Variants in TRPM6 observed in about 807,000 individuals in gnomAD.
The protein encoded by TRPM6 is channel kinase 2.
A neutral mutation model predicts 247.6 loss-of-function variants in TRPM6; 111 were observed. That is an observed-to-expected ratio of 0.45 (90% CI 0.38 to 0.52). TRPM6 has a LOEUF of 0.52. Among genes scored for constraint, TRPM6 ranks in the 20% least tolerant of loss-of-function variants. The pLI, the probability that TRPM6 is intolerant of heterozygous loss-of-function variation, is 0.00. For missense variants in TRPM6, 2,126 were observed against 2,421.5 expected (o/e 0.88, Z 2.56); for synonymous variants, 892 against 853.8 (o/e 1.04, Z -0.78).
chr9:74,866,634 A>G (rs1483747403), intron 1 of TRPM6, among the ~76,000 whole-genome samples: 1 of 152,034 alleles, frequency 6.6e-6, no homozygotes, highest in African/African-American at 2.4e-5. Context: ...GGCATGCCCC[A>G]CCACACCCGG....
rs1825564031 is a variant in TRPM6, at chr9:74,732,718, G to T, written c.5795C>A (p.Thr1932Lys). The T allele has an allele frequency of 6.2e-7, 1 of 1,609,058 alleles. No individual in the cohort carries two copies. The highest frequency in any genetic ancestry group is 8.5e-7 in the Non-Finnish European group (1 of 1,177,580). The stretch of plus-strand genomic sequence containing the variant: ...TTCAGGTTTTATAACAGATGGATCT[G>T]TCAAATTTTCTCCAACACCTCAAAA... ...LDLQGVGENL[T>K]DPSVIKPEVK... is the part of the protein sequence containing the mutation. The change falls in exon 37 of 39, where the codon ACA (threonine) becomes AAA (lysine). Residue 1932 changes from threonine to lysine, a missense_variant. This residue lies in a region of TRPM6 where 327 missense variants were observed against 397.7 expected (regional missense o/e 0.82). Coordinates refer to ENST00000360774, the MANE Select transcript of TRPM6 (RefSeq NM_017662.5).
intron 38 of TRPM6, 53 bp downstream of exon 38, chr9:74,728,186 A>T (rs1437088461): frequency 4.8e-6 from 6 of 1,256,506 alleles, no homozygotes; most frequent in African/African-American, 1.5e-5. Context: ...GTTACAAAGG[A>T]TGTTGTTCTA....
At chr9:74,729,972 T>C (rs2118688433) in intron 37 of TRPM6, among the ~76,000 whole-genome samples, 1 of 152,186 alleles carries the variant, frequency 6.6e-6, no homozygotes, top group Admixed American at 6.5e-5. Context: ...GACAAAAGAA[T>C]CAAAATTAAT....
chr9:74,792,845 A>T (rs1276692387), intron 18 of TRPM6, 75 bp from the exon 19 acceptor site: 2 of 1,356,406 alleles, frequency 1.5e-6, no homozygotes, highest in Non-Finnish European at 2.1e-6. Context: ...CATCCAAAAA[A>T]TATCATAAAT....
chr9:74,756,943 A>G (rs1826447606), intron 27 of TRPM6, among the ~76,000 whole-genome samples: 1 of 152,086 alleles, frequency 6.6e-6, no homozygotes, highest in African/African-American at 2.4e-5. Flanking sequence ...CACATCTGTA[A>G]TCTCAGTACT....
intron 1 of TRPM6, among the ~76,000 whole-genome samples, chr9:74,879,314 A>T (rs1304511055): frequency 3.3e-5 from 5 of 150,046 alleles, no homozygotes; most frequent in Non-Finnish European, 7.4e-5. Flanking sequence ...TATATGATTT[A>T]TATATATATG....
intron 9 of TRPM6, 130 bp from the exon 10 acceptor site, chr9:74,817,094 A>G: frequency 1.1e-6 from 1 of 914,440 alleles, no homozygotes. Flanking sequence ...ACCTTTTTTT[A>G]CTTACAGGAG....
Position 74,792,686 on chromosome 9 carries a change from G to A in TRPM6, c.2476C>T (p.Pro826Ser). ...FGLESGHQHLPWTRKVYEFYS... is the reference protein window; with the variant it reads ...FGLESGHQHLSWTRKVYEFYS... ...AACTCATAGACTTTCCTGGTCCACG[G>A]AAGGTGTTGGTGCCCACTTTCCAAA... The change falls in exon 19 of 39, where the codon CCG becomes TCG. Residue 826 changes from proline (P) to serine (S), a missense_variant. Pro to Ser is a moderately conservative substitution (Grantham distance 74). This residue lies in a region of TRPM6 where 1,082 missense variants were observed against 1,307.9 expected (regional missense o/e 0.83). Coordinates refer to ENST00000360774, the MANE Select transcript of TRPM6 (RefSeq NM_017662.5). 6.2e-7 allele frequency: 1 copy of A among 1,614,124 alleles called. No individual in the cohort carries two copies. Among genetic ancestry groups the A allele is most frequent in the Non-Finnish European group, 8.5e-7 (1 of 1,179,994 alleles).
chr9:74,842,343 C>G lies in TRPM6; in HGVS notation c.153G>C (p.Arg51Ser). ...PVCQVCQNLI[R>S]CYCGRLIGDH... ...CTCCAATCAGTCGGCCACAGTAACA[C>G]CTTAAATTCAAGACCAAAAAAAAAC... The change falls in exon 4 of 39, where the codon AGG becomes AGC. Residue 51 changes from arginine to serine, a missense_variant and splice_region_variant. Physicochemically the swap from Arg to Ser is moderately radical, Grantham distance 110. Coordinates refer to ENST00000360774, the MANE Select transcript of TRPM6 (RefSeq NM_017662.5). The G allele has an allele frequency of 1.9e-6, 3 of 1,613,992 alleles. No individual in the cohort carries two copies. Among genetic ancestry groups the G allele is most frequent in the Non-Finnish European group, 2.5e-6 (3 of 1,179,974 alleles).
chr9:74,767,734 T>C (rs1309814565), intron 25 of TRPM6, among the ~76,000 whole-genome samples: 1 of 152,144 alleles, frequency 6.6e-6, no homozygotes, highest in African/African-American at 2.4e-5. Flanking sequence ...TTTGGGAGAC[T>C]GAGGCAGAAG....
chr9:74,858,626 G>C (rs1326870574), intron 2 of TRPM6, 43 bp downstream of exon 2: 1 of 1,259,228 alleles, frequency 7.9e-7, no homozygotes, highest in Non-Finnish European at 1.2e-6. Context: ...TAGTCCATCA[G>C]GTAGTGTTGC....
intron 23 of TRPM6, among the ~76,000 whole-genome samples, chr9:74,778,189 A>C (rs1433839813): frequency 3.3e-5 from 5 of 152,140 alleles, no homozygotes; most frequent in Non-Finnish European, 7.4e-5. Context: ...GGGCACCCCC[A>C]CCAGGGGCTT....
chr9:74,858,658 GA>G lies in TRPM6; in HGVS notation c.113+10del. Reference sequence around the variant, plus strand: ...TTGCTTTTAAAAGAAGAAGGTAATTGAAAATTTTACCTGTGAGGATTTTTTG... The same window carrying G: ...TTGCTTTTAAAAGAAGAAGGTAATTGAAATTTTACCTGTGAGGATTTTTTG... On this transcript the variant is annotated intron_variant, in intron 2 of 38. Coordinates refer to ENST00000360774, the MANE Select transcript of TRPM6 (RefSeq NM_017662.5). The G allele has an allele frequency of 6.2e-7, 1 of 1,600,134 alleles. No homozygotes were observed. Among genetic ancestry groups the G allele is most frequent in the Non-Finnish European group, 8.6e-7 (1 of 1,168,610 alleles).
chr9:74,737,314 C>G, intron 36 of TRPM6: 4 of 1,216,952 alleles, frequency 3.3e-6, no homozygotes, highest in Non-Finnish European at 4.3e-6. Context: ...CATCCTTGAG[C>G]ATGTGACACA....
chr9:74,850,843 G>T (rs1344416543), intron 3 of TRPM6, among the ~76,000 whole-genome samples: 1 of 152,158 alleles, frequency 6.6e-6, no homozygotes, highest in Non-Finnish European at 1.5e-5. Context: ...ACATAATCAG[G>T]ATCTACTAGT....
intron 6 of TRPM6, among the ~76,000 whole-genome samples, chr9:74,829,059 G>A (rs944254947): frequency 2.0e-5 from 3 of 152,112 alleles, no homozygotes; most frequent in South Asian, 2.1e-4. Context: ...TTAGGAGGCC[G>A]AAGCTAGCGG....
At chr9:74,784,617 ATGAATCTCGTCCT>A (rs1220193355) in intron 21 of TRPM6, among the ~76,000 whole-genome samples, 1 of 152,214 alleles carries the variant, frequency 6.6e-6, no homozygotes, top group Non-Finnish European at 1.5e-5. Flanking sequence ...GTAGCCTCAC[ATGAATCTCGTCCT>A]TGGGAATTAC....
chr9:74,739,795 G>A lies in TRPM6; in HGVS notation c.5415C>T (p.Ser1805=), dbSNP rs150150126. ...ATGTCCGCACAACCTCAGGAAGAAA[G>A]GACTTGACAATGAAAACTTGTCCCG... ...LKPGQVFIVK[S]FLPEVVRTWH... The change falls in exon 34 of 39, where the codon TCC becomes TCT. Residue 1805 remains serine, a synonymous_variant. Transcript: ENST00000360774. The A allele has an allele frequency of 1.2e-6, 2 of 1,613,992 alleles. No individual in the cohort carries two copies. Among genetic ancestry groups the A allele is most frequent in the East Asian group, 4.5e-5 (2 of 44,890 alleles).
At chr9:74,786,572 C>G (rs1050295327) in intron 20 of TRPM6, among the ~76,000 whole-genome samples, 1 of 151,726 alleles carries the variant, frequency 6.6e-6, no homozygotes, top group Admixed American at 6.6e-5. Context: ...AACCCCATCT[C>G]TACTAAAAAT....
Sources: allele counts gnomAD v4.1 joint callset (sites outside exome capture counted in the v4.1 genomes callset), GRCh38; gene constraint gnomAD v4.1.1; regional missense constraint gnomAD v4.1.1; transcripts MANE v1.5; gene names NCBI Gene and HGNC (gene_info 2026-07-23, HGNC 2026-07-21).